Variants in RGS17 observed in about 807,000 individuals in gnomAD.
The protein encoded by RGS17 is regulator of G protein signaling 17.
In RGS17, 12 loss-of-function variants were observed where a neutral mutation model predicts 25.5. The observed-to-expected ratio is 0.47, with a 90% confidence interval of 0.30 to 0.76. The LOEUF is 0.76. RGS17 is among the 30% of genes least tolerant of loss of function. The probability of loss-of-function intolerance (pLI) is 0.07; values close to 1 mark genes in which losing one functional copy is unlikely to be tolerated. For synonymous variants in RGS17, 71 were observed against 76.9 expected (o/e 0.92, Z 0.40); for missense variants, 196 against 242.2 (o/e 0.81, Z 1.27).
At chr6:153,091,751 G>A (rs976141789) in intron 1 of RGS17, among the ~76,000 whole-genome samples, 1 of 152,170 alleles carries the variant, frequency 6.6e-6, no homozygotes, top group African/African-American at 2.4e-5. Context: ...GACCTCAAGT[G>A]ATCTGCCCGC....
intron 1 of RGS17, among the ~76,000 whole-genome samples, chr6:153,106,442 GC>G (rs1382135349): frequency 6.6e-6 from 1 of 151,540 alleles, no homozygotes; most frequent in East Asian, 2.0e-4. Flanking sequence ...ATGGGATTTT[GC>G]AAGCAGGAGA....
intron 2 of RGS17, among the ~76,000 whole-genome samples, chr6:153,035,073 G>C (rs1034473825): frequency 4.6e-5 from 7 of 151,702 alleles, no homozygotes; most frequent in African/African-American, 1.7e-4. Context: ...AGAATTGCTT[G>C]AACCTGGCAG....
intron 1 of RGS17, among the ~76,000 whole-genome samples, chr6:153,093,177 A>G (rs1327428038): frequency 1.3e-5 from 2 of 152,222 alleles, no homozygotes; most frequent in African/African-American, 2.4e-5. Context: ...CATTAATACA[A>G]TAGAGGTTTG....
intron 4 of RGS17, among the ~76,000 whole-genome samples, chr6:153,012,683 A>T (rs1779146112): frequency 6.6e-6 from 1 of 152,144 alleles, no homozygotes; most frequent in Non-Finnish European, 1.5e-5. Context: ...CAAAGTCCAG[A>T]TTGTTTTCCT....
chr6:153,057,433 A>G (rs1284665599), intron 1 of RGS17, among the ~76,000 whole-genome samples: 1 of 152,074 alleles, frequency 6.6e-6, no homozygotes, highest in Admixed American at 6.6e-5. Context: ...ACCACTCCCA[A>G]GCTGTATTAC....
At chr6:153,035,191 C>T (rs1776223638) in intron 2 of RGS17, among the ~76,000 whole-genome samples, 1 of 151,674 alleles carries the variant, frequency 6.6e-6, no homozygotes, top group African/African-American at 2.4e-5. Flanking sequence ...CACAAAGTGT[C>T]AGTGACAGAA....
chr6:153,027,528 C>T (rs1331197188), intron 2 of RGS17, among the ~76,000 whole-genome samples: 6 of 152,236 alleles, frequency 3.9e-5, no homozygotes, highest in Non-Finnish European at 7.4e-5. Flanking sequence ...GTTCAGATAA[C>T]ATCTCTCATT....
At chr6:153,076,937 T>C (rs1176440173) in intron 1 of RGS17, among the ~76,000 whole-genome samples, 1 of 152,152 alleles carries the variant, frequency 6.6e-6, no homozygotes, top group South Asian at 2.1e-4. Context: ...ACAAAACCTT[T>C]GTATGGGGCC....
chr6:153,074,073 T>C (rs1021586159), intron 1 of RGS17, among the ~76,000 whole-genome samples: 1 of 152,216 alleles, frequency 6.6e-6, no homozygotes, highest in Non-Finnish European at 1.5e-5. Flanking sequence ...TTTAGCACTA[T>C]TAAGACAAGT....
At chr6:153,116,164 ATCTG>A (rs1777540539) in intron 1 of RGS17, among the ~76,000 whole-genome samples, 2 of 152,244 alleles carry the variant, frequency 1.3e-5, no homozygotes, top group South Asian at 4.1e-4. Context: ...AATTTTTACA[ATCTG>A]TCTGTCTGAC....
chr6:153,083,381 C>G (rs1777010139), intron 1 of RGS17, among the ~76,000 whole-genome samples: 1 of 152,116 alleles, frequency 6.6e-6, no homozygotes, highest in Admixed American at 6.5e-5. Context: ...TTTTAAAATT[C>G]TCTTTTGGAA....
At chr6:153,097,577 G>T (rs1777236666) in intron 1 of RGS17, among the ~76,000 whole-genome samples, 2 of 151,966 alleles carry the variant, frequency 1.3e-5, no homozygotes, top group Admixed American at 1.3e-4. Flanking sequence ...GGCGTGCAGT[G>T]GAGTCAAAGA....
At chr6:153,046,617 CA>C (rs1260817734) in intron 1 of RGS17, among the ~76,000 whole-genome samples, 1 of 152,006 alleles carries the variant, frequency 6.6e-6, no homozygotes, top group African/African-American at 2.4e-5. Context: ...AAGATTTACA[CA>C]TAATCATTTC....
At chr6:153,041,095 T>A (rs1268714040) in intron 2 of RGS17, among the ~76,000 whole-genome samples, 3 of 151,770 alleles carry the variant, frequency 2.0e-5, no homozygotes, top group Admixed American at 2.0e-4. Flanking sequence ...AGCCCAGGAG[T>A]TGGAGCTTAC....
chr6:153,101,624 G>A (rs1004544249), intron 1 of RGS17, among the ~76,000 whole-genome samples: 25 of 152,074 alleles, frequency 1.6e-4, no homozygotes, highest in Admixed American at 1.2e-3. Context: ...TTGGCTCTGC[G>A]TCCCCACCCA....
intron 1 of RGS17, among the ~76,000 whole-genome samples, chr6:153,065,197 G>A (rs894778997): frequency 1.3e-5 from 2 of 152,106 alleles, no homozygotes; most frequent in Admixed American, 6.6e-5. Context: ...ACTGTAAGAA[G>A]AGACAAGGTC....
Position 153,043,983 on chromosome 6 carries a change from T to C in RGS17, c.36A>G (p.Thr12=), listed in dbSNP as rs752788913. Residue 12 remains threonine, a synonymous_variant, in exon 2 of 5, where the codon ACA becomes ACG. Coordinates refer to ENST00000206262, the MANE Select transcript of RGS17 (RefSeq NM_012419.5). ...TTCCAGGAGCTTGAGACACGGCAGG[T>C]GTTCCTTCATTTTGGGACTGCTGCC... is the stretch of plus-strand genomic sequence containing the variant. ...RKRQQSQNEG[T]PAVSQAPGNQ... is the part of the protein sequence containing the mutation. 1.9e-6 allele frequency: 3 copies of C among 1,612,510 alleles called. No homozygotes were observed. Among genetic ancestry groups the C allele is most frequent in the African/African-American group, 1.3e-5 (1 of 74,902 alleles).
chr6:153,042,486 G>C (rs1776335076), intron 2 of RGS17, among the ~76,000 whole-genome samples: 1 of 152,192 alleles, frequency 6.6e-6, no homozygotes, highest in Non-Finnish European at 1.5e-5. Flanking sequence ...TGTAAGACAT[G>C]CCTTTGCTCC....
At position 153,094,358 on chromosome 6, in the gene RGS17, C is replaced by T. The variant is rs371026641; in HGVS notation, c.-26+36766G>A. Among the ~76,000 whole-genome samples the T allele has an allele frequency of 1.5e-3, 227 of 152,160 alleles. 2 individuals carry two copies. Among genetic ancestry groups the T allele is most frequent in the African/African-American group, 5.1e-3 (213 of 41,512 alleles). Reference sequence around the variant, plus strand: ...CCTCCCGAAGTGCAAGGATTACAGGCGTGAGCATTGTGCTCAGTGGCCTAC... The same window carrying T: ...CCTCCCGAAGTGCAAGGATTACAGGTGTGAGCATTGTGCTCAGTGGCCTAC... On this transcript the variant is annotated intron_variant, in intron 1 of 4. Transcript: ENST00000206262.
Sources: gnomAD v4.1 joint callset for allele counts (sites outside exome capture counted in the v4.1 genomes callset) on GRCh38, gnomAD v4.1.1 for gene constraint, MANE v1.5 for transcripts, NCBI Gene and HGNC (gene_info 2026-07-23, HGNC 2026-07-21) for gene names.